Variants in ZCCHC2 observed in about 807,000 individuals in gnomAD.
The protein encoded by ZCCHC2 is zinc finger CCHC-type containing 2.
ZCCHC2 carries 39 observed loss-of-function variants against 103.6 expected under a neutral mutation model. The ratio of observed to expected loss-of-function variants is 0.38; its 90% confidence interval spans 0.29 to 0.49. The LOEUF (loss-of-function observed/expected upper bound fraction) is 0.49. Ranked by LOEUF, ZCCHC2 falls within the 20% of genes least tolerant of loss-of-function variation. The pLI is 0.96. For missense variants in ZCCHC2, 1,483 were observed against 1,491.0 expected, an observed-to-expected ratio of 0.99 and a Z score of 0.09; for synonymous variants, 687 against 608.9, an observed-to-expected ratio of 1.13 and a Z score of -1.89.
At chr18:62,579,765 C>G (rs1804613510), downstream of ZCCHC2, among the ~76,000 whole-genome samples, 1 of 152,092 alleles carries the variant, frequency 6.6e-6, no homozygotes, top group Non-Finnish European at 1.5e-5. Flanking sequence ...TCTTGCTGCC[C>G]AGGCTGGAGT....
At chr18:62,583,052 C>T (rs1917077898), downstream of ZCCHC2, among the ~76,000 whole-genome samples, 1 of 151,758 alleles carries the variant, frequency 6.6e-6, no homozygotes, top group African/African-American at 2.4e-5. Context: ...TTCAGTGAGC[C>T]CAGATCATGC....
chr18:62,567,696 C>A (rs1389720024), intron 11 of ZCCHC2, among the ~76,000 whole-genome samples: 1 of 152,086 alleles, frequency 6.6e-6, no homozygotes, highest in East Asian at 1.9e-4. Flanking sequence ...GTAATCCCAG[C>A]ACTTTGGGAG....
exon 15 of ZCCHC2, chr18:62,585,278 T>C (rs930446079): frequency 6.6e-6 from 1 of 152,142 alleles, no homozygotes; most frequent in African/African-American, 2.4e-5. Context: ...GCGCACGGAG[T>C]ATTCCATTAA....
intron 12 of ZCCHC2, among the ~76,000 whole-genome samples, chr18:62,572,319 G>A (rs1001690575): frequency 2.6e-5 from 4 of 152,180 alleles, no homozygotes; most frequent in Admixed American, 2.6e-4. Flanking sequence ...TGACTCTGTG[G>A]CTCACACTGC....
chr18:62,525,789 T>C (rs1460933090), intron 1 of ZCCHC2: 6 of 152,178 alleles, frequency 3.9e-5, no homozygotes, highest in Admixed American at 3.9e-4. Flanking sequence ...TGTTTACCAC[T>C]AGCATGCAGT....
chr18:62,558,719 A>C lies in ZCCHC2; in HGVS notation c.1441A>C (p.Ile481Leu). The part of the protein sequence containing the change: ...NLQSSLKTSK[I>L]LEHLKEDSSE... ...ACAATCCTCTCTGAAGACTTCTAAG[A>C]TATTAGAACACTTAAAAGAAGACAG... Residue 481 changes from isoleucine (I) to leucine (L), a missense_variant, in exon 7 of 14, where the codon ATA (isoleucine) becomes CTA (leucine). By Grantham distance (5) the Ile-to-Leu change is conservative (BLOSUM62 2). Around this residue, in one of 3 missense-constraint regions of ZCCHC2, gnomAD observed 884 missense variants for 907.5 expected, o/e 0.97. Transcript: ENST00000269499. 6.5e-7 allele frequency: 1 copy of C among 1,549,258 alleles called. No homozygotes were observed. The highest frequency in any genetic ancestry group is 1.2e-5 in the South Asian group (1 of 82,916).
intron 1 of ZCCHC2, among the ~76,000 whole-genome samples, chr18:62,537,868 A>G (rs1193619551): frequency 6.6e-6 from 1 of 152,224 alleles, no homozygotes; most frequent in African/African-American, 2.4e-5. Context: ...CTTCAACAGT[A>G]GCTATACTAT....
At position 62,576,790 on chromosome 18, in the gene ZCCHC2, T is replaced by C. The variant is rs1415592531; in HGVS notation, c.*211T>C. 5 of 510,716 alleles carry C rather than the reference T, an allele frequency of 9.8e-6. No homozygotes were observed. Among genetic ancestry groups the C allele is most frequent in the Non-Finnish European group, 1.8e-5 (5 of 285,328 alleles). The allele number at this position is 510,716 out of a possible 1,614,324, so 31.6% of individuals were successfully genotyped here. Reference sequence around the variant, plus strand: ...GTCTCCTGGTTCAACAACAGGCTTATATGTATGATACATGTAATTTAAACC... The same window carrying C: ...GTCTCCTGGTTCAACAACAGGCTTACATGTATGATACATGTAATTTAAACC... On this transcript the variant is annotated 3_prime_UTR_variant, in exon 14 of 14. Transcript: ENST00000269499.
intron 11 of ZCCHC2, among the ~76,000 whole-genome samples, chr18:62,569,571 C>A (rs551667276): frequency 3.9e-5 from 6 of 151,902 alleles, no homozygotes; most frequent in African/African-American, 1.4e-4. Flanking sequence ...CTTATGTGCT[C>A]AAAACAGATA....
intron 1 of ZCCHC2, 163 bp downstream of exon 1, chr18:62,524,526 C>G (rs1176819698): frequency 8.5e-7 from 1 of 1,177,932 alleles, no homozygotes; most frequent in East Asian, 3.0e-5. Context: ...CTTCGTCTCG[C>G]TGGGCCGCTC....
At chr18:62,545,270 C>T (rs997752990) in intron 4 of ZCCHC2, among the ~76,000 whole-genome samples, 2 of 151,658 alleles carry the variant, frequency 1.3e-5, no homozygotes, top group Non-Finnish European at 2.9e-5. Flanking sequence ...CAGAGATGTG[C>T]GTCATTGGTG....
chr18:62,554,449 G>T (rs937918835), intron 5 of ZCCHC2, among the ~76,000 whole-genome samples: 1 of 152,178 alleles, frequency 6.6e-6, no homozygotes, highest in Non-Finnish European at 1.5e-5. Flanking sequence ...TCACTCATTT[G>T]ATTTATCAAA....
Position 62,544,841 on chromosome 18 carries a change from A to G in ZCCHC2, c.1168A>G (p.Thr390Ala). 1 of 1,545,508 alleles carries G rather than the reference A, an allele frequency of 6.5e-7. No homozygotes were observed. Among genetic ancestry groups the G allele is most frequent in the Non-Finnish European group, 8.7e-7 (1 of 1,148,200 alleles). Residue 390 changes from threonine (T) to alanine (A), a missense_variant, in exon 4 of 14, where the codon ACC becomes GCC. Physicochemically the swap from Thr to Ala is moderately conservative, Grantham distance 58 (BLOSUM62 0). This residue lies in a region of ZCCHC2 where 31 missense variants were observed against 58.4 expected (regional missense o/e 0.53). Transcript: ENST00000269499. ...SDLSVTTVTK[T>A]HQELQEFLLK... Reference sequence around the variant, plus strand: ...TCTTTCAGTCACAACAGTAACAAAAACCCACCAAGAACTACAGGAATTTCT... The same window carrying G: ...TCTTTCAGTCACAACAGTAACAAAAGCCCACCAAGAACTACAGGAATTTCT...
At position 62,574,605 on chromosome 18, in the gene ZCCHC2, G is replaced by T. The variant is rs373529654; in HGVS notation, c.2524G>T (p.Ala842Ser). The stretch of plus-strand genomic sequence containing the variant: ...ACAACCACCCGGAAGCCTGAGCATC[G>T]CATCACCAAACACTGCCTTTATTCC... ...PQQPPGSLSI[A>S]SPNTAFIPIH... Residue 842 changes from alanine (A) to serine (S), a missense_variant, in exon 13 of 14, where the codon GCA becomes TCA. By Grantham distance (99) the Ala-to-Ser change is moderately conservative. This residue lies in a region of ZCCHC2 where 884 missense variants were observed against 907.5 expected (regional missense o/e 0.97). Transcript: ENST00000269499. 3.9e-5 allele frequency: 63 copies of T among 1,613,796 alleles called. No homozygotes were observed. In the African/African-American group the frequency reaches 7.9e-4, roughly 20 times the overall value.
At chr18:62,554,718 G>A (rs1255460451) in intron 5 of ZCCHC2, among the ~76,000 whole-genome samples, 1 of 152,182 alleles carries the variant, frequency 6.6e-6, no homozygotes, top group African/African-American at 2.4e-5. Flanking sequence ...ACATGACTGG[G>A]TGTGGGTTCC....
At chr18:62,558,654 T>C in intron 6 of ZCCHC2, 33 bp from the exon 7 acceptor site, 1 of 1,275,476 alleles carries the variant, frequency 7.8e-7, no homozygotes, top group South Asian at 1.5e-5. Context: ...TTAATTTTCC[T>C]AAAAAGTTAA....
At position 62,562,956 on chromosome 18, in the gene ZCCHC2, T is replaced by C. The variant is rs1280692990; in HGVS notation, c.1551-53T>C. 4 of 1,559,064 alleles carry C rather than the reference T, an allele frequency of 2.6e-6. No individual in the cohort carries two copies. The African/African-American group carries it at 4.1e-5, about 16-fold the overall frequency. Reference sequence around the variant, plus strand: ...CTGTAACTTCTTTGTTGAAATGAAATAGGTTATTATTGAGGGCAGATTTTC... The same window carrying C: ...CTGTAACTTCTTTGTTGAAATGAAACAGGTTATTATTGAGGGCAGATTTTC... On this transcript the variant is annotated intron_variant, in intron 8 of 13. Coordinates refer to ENST00000269499, the MANE Select transcript of ZCCHC2 (RefSeq NM_017742.6).
downstream of ZCCHC2, among the ~76,000 whole-genome samples, chr18:62,580,208 C>T (rs932474956): frequency 2.0e-5 from 3 of 152,116 alleles, no homozygotes; most frequent in Admixed American, 6.5e-5. Flanking sequence ...ATTTTCCCTA[C>T]CTTATGATAG....
At chr18:62,531,330 G>C (rs1256061921) in intron 1 of ZCCHC2, among the ~76,000 whole-genome samples, 2 of 152,102 alleles carry the variant, frequency 1.3e-5, no homozygotes, top group African/African-American at 4.8e-5. Flanking sequence ...GCTTCCTTCT[G>C]TTTTTCCTAT....
Sources: gnomAD v4.1 joint callset for allele counts (sites outside exome capture counted in the v4.1 genomes callset) on GRCh38, gnomAD v4.1.1 for gene constraint, gnomAD v4.1.1 regional missense constraint, MANE v1.5 for transcripts, NCBI Gene and HGNC (gene_info 2026-07-23, HGNC 2026-07-21) for gene names.